The following GOLGA1 variants were observed in gnomAD, a reference collection of about 807,000 sequenced individuals.
GOLGA1 encodes golgin A1, also known as golgin subfamily A member 1.
In GOLGA1, 63 loss-of-function variants were observed where a neutral mutation model predicts 119.7. That is an observed-to-expected ratio of 0.53 (90% CI 0.43 to 0.65). The LOEUF (loss-of-function observed/expected upper bound fraction) is 0.65. GOLGA1 is among the 30% of genes least tolerant of loss of function. GOLGA1 has a pLI of 0.00. For missense variants in GOLGA1, 798 were observed against 912.8 expected, an observed-to-expected ratio of 0.87 and a Z score of 1.62; for synonymous variants, 318 against 333.4, an observed-to-expected ratio of 0.95 and a Z score of 0.50.
At chr9:124,886,225 C>CTG (rs1829716913) in intron 19 of GOLGA1, among the ~76,000 whole-genome samples, 1 of 152,206 alleles carries the variant, frequency 6.6e-6, no homozygotes, top group Non-Finnish European at 1.5e-5. Flanking sequence ...GGGGAGTCAG[C>CTG]TGCGCAGGGC....
chr9:124,903,059 C>T (rs1830143861), intron 12 of GOLGA1, among the ~76,000 whole-genome samples: 2 of 152,100 alleles, frequency 1.3e-5, no homozygotes, highest in South Asian at 2.1e-4. Context: ...ACCATATCAC[C>T]CTGCAATTTT....
chr9:124,905,958 C>G (rs552535907), intron 12 of GOLGA1, among the ~76,000 whole-genome samples: 1 of 151,034 alleles, frequency 6.6e-6, no homozygotes, highest in South Asian at 2.1e-4. Context: ...GCTAAAAATA[C>G]AAAAATTAGT....
intron 19 of GOLGA1, 139 bp from the exon 20 acceptor site, chr9:124,882,708 G>A (rs1829618806): frequency 1.5e-6 from 1 of 688,262 alleles, no homozygotes; most frequent in Non-Finnish European, 2.6e-6. Context: ...AGAGGCTGGT[G>A]CTCAGCTGTC....
chr9:124,889,036 G>T, intron 18 of GOLGA1, 107 bp downstream of exon 18: 1 of 826,838 alleles, frequency 1.2e-6, no homozygotes. Context: ...TACATGCAGG[G>T]GAGCGTCGTG....
At chr9:124,894,717 G>GTTCTCTGCCAGCAGTGC (rs1829925251) in intron 15 of GOLGA1, among the ~76,000 whole-genome samples, 1 of 152,132 alleles carries the variant, frequency 6.6e-6, no homozygotes, top group Non-Finnish European at 1.5e-5. Flanking sequence ...TACCCCAGTG[G>GTTCTCTGCCAGCAGTGC]TTCTCTGCCA....
In GOLGA1 at chr9:124,909,364, T is replaced by G. The variant is rs535128883; in HGVS notation, c.970-892A>C. Among the ~76,000 whole-genome samples, 5 of 149,658 alleles carry G rather than the reference T, an allele frequency of 3.3e-5. No homozygotes were observed. In the South Asian group the frequency reaches 1.1e-3, roughly 32 times the overall value. On this transcript the variant is annotated intron_variant, in intron 11 of 22. Coordinates refer to ENST00000373555, the MANE Select transcript of GOLGA1 (RefSeq NM_002077.4). ...GGTTCACGCCTGTAATCCCAGCACT[T>G]TGGGAAGCCGACGTGGACAGATCAC...
upstream of GOLGA1, chr9:124,944,034 T>C (rs1831101095): frequency 6.6e-6 from 1 of 152,246 alleles, no homozygotes; most frequent in African/African-American, 2.4e-5. Context: ...TTTCCTATTA[T>C]CTAAGATGTT....
At chr9:124,880,713 C>G (rs947080987) in intron 22 of GOLGA1, 103 bp from the exon 23 acceptor site, 14 of 738,364 alleles carry the variant, frequency 1.9e-5, no homozygotes, top group African/African-American at 3.4e-5. Flanking sequence ...TCCTGCCCCC[C>G]ACACATCCTG....
chr9:124,881,024 T>C lies in GOLGA1; in HGVS notation c.2223+147A>G. 1 of 662,804 alleles carries C rather than the reference T, an allele frequency of 1.5e-6. No individual in the cohort carries two copies. The highest frequency in any genetic ancestry group is 2.8e-6 in the Non-Finnish European group (1 of 362,122). The allele number at this position is 662,804 out of a possible 1,614,324, so 41.1% of individuals were successfully genotyped here. On this transcript the variant is annotated intron_variant, in intron 22 of 22. Coordinates refer to ENST00000373555, the MANE Select transcript of GOLGA1 (RefSeq NM_002077.4). The surrounding 1 kb of genome is among the most constrained non-coding windows in gnomAD (Gnocchi z 4.9). ...ATGTCATCGCTAAAAAGTGCTTGGATCAAGTTCATCCAAAAGCAGCCAAGC... is the reference window on the plus strand; with the variant it reads ...ATGTCATCGCTAAAAAGTGCTTGGACCAAGTTCATCCAAAAGCAGCCAAGC...
intron 12 of GOLGA1, among the ~76,000 whole-genome samples, chr9:124,904,709 A>G (rs1464889452): frequency 1.3e-5 from 2 of 152,012 alleles, no homozygotes; most frequent in Admixed American, 6.6e-5. Context: ...TGGGATGCTG[A>G]GGCAGGTGGA....
intron 11 of GOLGA1, among the ~76,000 whole-genome samples, chr9:124,910,803 G>T (rs1830324317): frequency 6.6e-6 from 1 of 152,118 alleles, no homozygotes; most frequent in Non-Finnish European, 1.5e-5. Flanking sequence ...GCAAGTGAGG[G>T]ATCCAGGTTG....
chr9:124,888,475 T>A lies in GOLGA1; in HGVS notation c.1762-79A>T. 7.6e-7 allele frequency: 1 copy of A among 1,311,748 alleles called. No individual in the cohort carries two copies. Among genetic ancestry groups the A allele is most frequent in the South Asian group, 1.2e-5 (1 of 82,088 alleles). 81.3% of individuals were successfully genotyped at this position (1,311,748 alleles called of 1,614,324 possible). A position where few individuals can be genotyped will look rare whatever the true frequency, so the allele number is the denominator to read the frequency against. On this transcript the variant is annotated intron_variant, in intron 18 of 22. Transcript: ENST00000373555. The surrounding 1 kb of genome is among the most constrained non-coding windows in gnomAD (Gnocchi z 4.4). Reference sequence around the variant, plus strand: ...CCACAGGTACACAGGGAAGGGGAGCTAGACTCGTCCCTTAGGTATGGGCGT... The same window carrying A: ...CCACAGGTACACAGGGAAGGGGAGCAAGACTCGTCCCTTAGGTATGGGCGT...
upstream of GOLGA1, chr9:124,945,861 C>G (rs1831137289): frequency 6.6e-6 from 1 of 152,012 alleles, no homozygotes; most frequent in South Asian, 2.1e-4. Flanking sequence ...GAAGATGAAT[C>G]ACTTTTTTTT....
intron 2 of GOLGA1, among the ~76,000 whole-genome samples, 152 bp downstream of exon 2, chr9:124,939,954 C>A (rs757921573): frequency 4.6e-5 from 7 of 152,182 alleles, no homozygotes; most frequent in Non-Finnish European, 1.0e-4. Context: ...CACTAATATT[C>A]TGGTTCCAAC....
At chr9:124,932,535 T>C (rs1830787827) in intron 3 of GOLGA1, among the ~76,000 whole-genome samples, 1 of 152,212 alleles carries the variant, frequency 6.6e-6, no homozygotes, top group South Asian at 2.1e-4. Flanking sequence ...ATTTGCAATC[T>C]GTGATAACAA....
intron 2 of GOLGA1, 58 bp from the exon 3 acceptor site, chr9:124,938,924 T>G (rs1830938120): frequency 4.3e-6 from 2 of 459,984 alleles, no homozygotes; most frequent in Admixed American, 4.1e-5. Flanking sequence ...ATTTCGCATC[T>G]GAGTTGTTAA....
chr9:124,921,228 T>C lies in GOLGA1; in HGVS notation c.744A>G (p.Ile248Met). The C allele has an allele frequency of 1.2e-6, 2 of 1,600,616 alleles. No individual in the cohort carries two copies. The highest frequency in any genetic ancestry group is 1.7e-6 in the Non-Finnish European group (2 of 1,167,750). Reference protein sequence around the residue: ...STLEEQRDHVIASKTGAESKI... With the variant: ...STLEEQRDHVMASKTGAESKI... ...TACTTTCTGCACCTGTTTTTGAAGC[T>C]ATCACATGATCTCTTCATCAAAAGA... Residue 248 changes from isoleucine to methionine, a missense_variant, in exon 10 of 23, where the codon ATA becomes ATG. Ile to Met is a conservative substitution (Grantham distance 10). Transcript: ENST00000373555.
intron 10 of GOLGA1, among the ~76,000 whole-genome samples, chr9:124,913,160 AACTC>A (rs1203194937): frequency 1.3e-5 from 2 of 152,066 alleles, no homozygotes; most frequent in African/African-American, 2.4e-5. Context: ...CTCTCATGAG[AACTC>A]ACTCACTATC....
At chr9:124,922,501 T>C (rs1288868234) in intron 8 of GOLGA1, among the ~76,000 whole-genome samples, 1 of 133,712 alleles carries the variant, frequency 7.5e-6, no homozygotes, top group Non-Finnish European at 1.5e-5. Flanking sequence ...CAGTGGGCCA[T>C]GATCATGCCA....
Sources: allele counts gnomAD v4.1 joint callset (sites outside exome capture counted in the v4.1 genomes callset), GRCh38; gene constraint gnomAD v4.1.1; non-coding constraint Gnocchi (gnomAD v3.1); transcripts MANE v1.5; gene names NCBI Gene and HGNC (gene_info 2026-07-23, HGNC 2026-07-21).